KL: variants seen among roughly 807,000 people sequenced by gnomAD.
The protein encoded by KL is alpha-klotho.
KL carries 62 observed loss-of-function variants against 84.2 expected under a neutral mutation model. The observed-to-expected ratio is 0.74, with a 90% confidence interval of 0.60 to 0.91. KL has a LOEUF of 0.91. Among genes scored for constraint, KL ranks in the 40% least tolerant of loss-of-function variants. The pLI, the probability that KL is intolerant of heterozygous loss-of-function variation, is 0.00. For missense variants in KL, 1,261 were observed against 1,305.7 expected, an observed-to-expected ratio of 0.97 and a Z score of 0.53; for synonymous variants, 528 against 528.0, an observed-to-expected ratio of 1.00 and a Z score of 0.00.
chr13:33,017,364 CT>C, intron 1 of KL, 105 bp downstream of exon 1: 1 of 1,075,096 alleles, frequency 9.3e-7, no homozygotes, highest in Non-Finnish European at 1.3e-6. Context: ...CGAGGCTTCA[CT>C]TGGACACGTG....
intron 3 of KL, 27 bp from the exon 4 acceptor site, chr13:33,060,652 C>CTTCCTCAGGACT (rs1566509482): frequency 6.2e-7 from 1 of 1,613,980 alleles, no homozygotes; most frequent in Non-Finnish European, 8.5e-7. Context: ...GCCCAGGTGA[C>CTTCCTCAGGACT]GCTAATGTTT....
rs768633328 is a variant in KL at position 33,061,420 on chromosome 13, A to G, written c.2341A>G (p.Arg781Gly). Residue 781 changes from arginine (R) to glycine (G), a missense_variant, in exon 4 of 5, where the codon AGA becomes GGA. By Grantham distance (125) the Arg-to-Gly change is moderately radical. Transcript: ENST00000380099. ...GGTGATGAGGGACTGGCTGAACCAA[A>G]GAAACAATTTTCTTCTTCCTTATTT... Reference protein sequence around the residue: ...PWVMRDWLNQRNNFLLPYFTE... With the variant: ...PWVMRDWLNQGNNFLLPYFTE... The G allele has an allele frequency of 3.7e-6, 6 of 1,614,108 alleles. No homozygotes were observed. In the Admixed American group the frequency reaches 1.0e-4, roughly 27 times the overall value.
intron 1 of KL, among the ~76,000 whole-genome samples, chr13:33,034,077 A>G (rs918047719): frequency 1.2e-4 from 19 of 152,292 alleles, no homozygotes; most frequent in African/African-American, 4.6e-4. Context: ...AGGCTTATAG[A>G]GTGTTAATTA....
chr13:33,028,186 A>T (rs1322995278), intron 1 of KL, among the ~76,000 whole-genome samples: 1 of 152,168 alleles, frequency 6.6e-6, no homozygotes, highest in Non-Finnish European at 1.5e-5. Context: ...TGATCTTAGG[A>T]TCAACTGCAA....
At chr13:33,043,432 T>C (rs535307361) in intron 1 of KL, among the ~76,000 whole-genome samples, 102 of 152,120 alleles carry the variant, frequency 6.7e-4, no homozygotes, top group Middle Eastern at 3.4e-3. Context: ...GTTGCCCAAG[T>C]TGGTCTCGAA....
At chr13:33,022,526 A>G (rs1359099223) in intron 1 of KL, among the ~76,000 whole-genome samples, 1 of 152,240 alleles carries the variant, frequency 6.6e-6, no homozygotes, top group Non-Finnish European at 1.5e-5. Flanking sequence ...GTTATACTTG[A>G]AATCTATATT....
rs780409376 is a variant in KL at position 33,053,954 on chromosome 13, A to ACTATCCCG, written c.1008_1015dup (p.Glu339AlafsTer6). 5.6e-6 allele frequency: 9 copies of ACTATCCCG among 1,613,994 alleles called. No individual in the cohort carries two copies. Among genetic ancestry groups the ACTATCCCG allele is most frequent in the Non-Finnish European group, 7.6e-6 (9 of 1,179,970 alleles). On this transcript the variant is annotated frameshift_variant, in exon 2 of 5. Transcript: ENST00000380099. LOFTEE classifies it high-confidence loss of function. ...GCCAAACCCGTATTTATTGATGGTG[A>ACTATCCCG]CTATCCCGAGAGCATGAAGAATAAC...
chr13:33,053,681 A>T (rs1871834806), intron 1 of KL, 86 bp from the exon 2 acceptor site: 1 of 1,240,234 alleles, frequency 8.1e-7, no homozygotes, highest in Non-Finnish European at 1.2e-6. Flanking sequence ...TGAGAAACAG[A>T]TATAATCTGA....
Position 33,061,669 on chromosome 13 carries a change from G to A in KL, c.2590G>A (p.Gly864Arg), listed in dbSNP as rs948885514. 13 of 1,613,994 alleles carry A rather than the reference G, an allele frequency of 8.1e-6. No homozygotes were observed. The highest frequency in any genetic ancestry group is 2.2e-5 in the East Asian group (1 of 44,900). ...KVLNWLKFKYGDLPMYIISNG... is the reference protein window; with the variant it reads ...KVLNWLKFKYRDLPMYIISNG... ...GCTGAACTGGCTGAAGTTCAAGTAC[G>A]GAGACCTCCCCATGTACATAATATC... Residue 864 changes from glycine to arginine, a missense_variant, in exon 4 of 5, where the codon GGA (glycine) becomes AGA (arginine). Transcript: ENST00000380099.
intron 1 of KL, among the ~76,000 whole-genome samples, chr13:33,034,946 C>A (rs574226916): frequency 3.9e-5 from 6 of 152,316 alleles, no homozygotes; most frequent in African/African-American, 1.4e-4. Context: ...AGGCAGTGCA[C>A]TGTGATATTT....
At chr13:33,018,353 T>A (rs1259146010) in intron 1 of KL, among the ~76,000 whole-genome samples, 1 of 152,236 alleles carries the variant, frequency 6.6e-6, no homozygotes, top group Non-Finnish European at 1.5e-5. Context: ...TAAAACCATT[T>A]CTAAACACTT....
In KL at chr13:33,051,258, G is replaced by A. The variant is rs114193265; in HGVS notation, c.820-2509G>A. Among the ~76,000 whole-genome samples the A allele has an allele frequency of 8.3e-3, 1,258 of 152,324 alleles. 14 individuals are homozygous for A. Among genetic ancestry groups the A allele is most frequent in the African/African-American group, 0.017 (692 of 41,574 alleles). ...CCAACTCAAGAGTGACGAAGGCCAG[G>A]TGCGGTGGCTCATGCCTGTAATCTC... On this transcript the variant is annotated intron_variant, in intron 1 of 4. Transcript: ENST00000380099.
chr13:33,033,141 C>CT (rs1871033609), intron 1 of KL, among the ~76,000 whole-genome samples: 1 of 152,174 alleles, frequency 6.6e-6, no homozygotes, highest in Admixed American at 6.5e-5. Flanking sequence ...TCAGATCTCT[C>CT]TTTTTTCTTC....
chr13:33,030,002 C>G (rs946813908), intron 1 of KL, among the ~76,000 whole-genome samples: 2 of 151,634 alleles, frequency 1.3e-5, no homozygotes, highest in Non-Finnish European at 2.9e-5. Flanking sequence ...AAGGGCAAGT[C>G]TCTGGCATCT....
chr13:33,027,977 T>A (rs1870840464), intron 1 of KL, among the ~76,000 whole-genome samples: 1 of 152,156 alleles, frequency 6.6e-6, no homozygotes, highest in South Asian at 2.1e-4. Flanking sequence ...CCAACAACTA[T>A]GAAGGAGAGT....
intron 1 of KL, among the ~76,000 whole-genome samples, chr13:33,047,299 T>C (rs1871571505): frequency 6.6e-6 from 1 of 152,170 alleles, no homozygotes; most frequent in Admixed American, 6.5e-5. Flanking sequence ...TTTATATTTA[T>C]AGTATATTTC....
rs919329937 is a variant in KL at position 33,064,899 on chromosome 13, A to G, written c.*713A>G. The G allele has an allele frequency of 8.8e-6, 2 of 228,486 alleles. No individual in the cohort carries two copies. Among genetic ancestry groups the G allele is most frequent in the African/African-American group, 4.4e-5 (2 of 45,120 alleles). 14.2% of individuals were successfully genotyped at this position (228,486 alleles called of 1,614,324 possible). On this transcript the variant is annotated 3_prime_UTR_variant, in exon 5 of 5. Transcript: ENST00000380099. ...GCATCTTGTTGAGGGCCTTGCACATAGGAAACTTTTGATAAGTATCTGCGG... is the reference window on the plus strand; with the variant it reads ...GCATCTTGTTGAGGGCCTTGCACATGGGAAACTTTTGATAAGTATCTGCGG...
chr13:33,047,698 T>C (rs1871588963), intron 1 of KL, among the ~76,000 whole-genome samples: 1 of 152,254 alleles, frequency 6.6e-6, no homozygotes, highest in Non-Finnish European at 1.5e-5. Flanking sequence ...GAATATTTAT[T>C]GATATGTTTG....
At chr13:33,041,312 G>A (rs893179472) in intron 1 of KL, among the ~76,000 whole-genome samples, 6 of 151,594 alleles carry the variant, frequency 4.0e-5, no homozygotes, top group Admixed American at 2.6e-4. Flanking sequence ...CCTGTAAATG[G>A]ACATTTATGT....
Sources: allele counts gnomAD v4.1 joint callset (sites outside exome capture counted in the v4.1 genomes callset), GRCh38; gene constraint gnomAD v4.1.1; transcripts MANE v1.5; gene names NCBI Gene and HGNC (gene_info 2026-07-23, HGNC 2026-07-21).